The following NTRK3 variants were observed in gnomAD, a reference collection of about 807,000 sequenced individuals.
NTRK3 encodes the protein neurotrophic receptor tyrosine kinase 3.
NTRK3 carries 24 observed loss-of-function variants against 91.7 expected under a neutral mutation model. The ratio of observed to expected loss-of-function variants is 0.26; its 90% CI spans 0.19 to 0.37. The LOEUF is 0.37. Ranked by LOEUF, NTRK3 falls within the 10% of genes least tolerant of loss-of-function variation. The pLI is 1.00. For synonymous variants in NTRK3, 483 were observed against 404.0 expected, an observed-to-expected ratio of 1.20 and a Z score of -2.34; for missense variants, 880 against 1,068.9, an observed-to-expected ratio of 0.82 and a Z score of 2.46.
chr15:88,236,797 C>T (rs1259032541), intron 3 of NTRK3, among the ~76,000 whole-genome samples: 2 of 149,518 alleles, frequency 1.3e-5, no homozygotes, highest in Non-Finnish European at 3.0e-5. Context: ...AAACACTACT[C>T]TCAAAAGTAG....
chr15:87,973,017 A>G (rs2073386634), intron 14 of NTRK3, among the ~76,000 whole-genome samples: 1 of 152,158 alleles, frequency 6.6e-6, no homozygotes, highest in African/African-American at 2.4e-5. Context: ...TGCCTCTGAT[A>G]TCTTCCTTGT....
At chr15:88,113,874 C>T (rs2051732695) in intron 13 of NTRK3, among the ~76,000 whole-genome samples, 1 of 152,212 alleles carries the variant, frequency 6.6e-6, no homozygotes, top group African/African-American at 2.4e-5. Flanking sequence ...TCCTGATCTA[C>T]ACAATAGTTT....
chr15:88,033,332 A>T (rs1249925597), intron 13 of NTRK3, among the ~76,000 whole-genome samples: 1 of 150,296 alleles, frequency 6.7e-6, no homozygotes, highest in Non-Finnish European at 1.5e-5. Flanking sequence ...TTTAAATGAA[A>T]TAGAGTCTCT....
chr15:87,945,045 C>G (rs1258586923), intron 14 of NTRK3, among the ~76,000 whole-genome samples: 7 of 152,300 alleles, frequency 4.6e-5, no homozygotes, highest in Middle Eastern at 3.4e-3. Flanking sequence ...CCAGCAGAGT[C>G]TGGGTCACAA....
At chr15:88,256,205 GT>G (rs1410929522) in intron 2 of NTRK3, 37 bp from the exon 3 acceptor site, 153 of 828,224 alleles carry the variant, frequency 1.8e-4, no homozygotes, top group Non-Finnish European at 1.5e-4. Context: ...GGGGGGTGGG[GT>G]GGGGGGAGTG....
At chr15:88,006,197 A>C (rs1414652878) in intron 14 of NTRK3, among the ~76,000 whole-genome samples, 3 of 152,190 alleles carry the variant, frequency 2.0e-5, no homozygotes, top group Non-Finnish European at 4.4e-5. Context: ...ATCCCCAAAA[A>C]AATTTTTCCC....
intron 13 of NTRK3, among the ~76,000 whole-genome samples, chr15:88,058,135 G>T (rs1193539407): frequency 2.0e-5 from 3 of 152,202 alleles, no homozygotes; most frequent in Admixed American, 2.0e-4. Context: ...ACAGCTTGGG[G>T]CCTTGGACTT....
chr15:87,914,422 C>A (rs1477833039), intron 17 of NTRK3, among the ~76,000 whole-genome samples: 1 of 152,122 alleles, frequency 6.6e-6, no homozygotes, highest in Non-Finnish European at 1.5e-5. Context: ...ACTCAGAGTC[C>A]CCACATACTG....
intron 13 of NTRK3, among the ~76,000 whole-genome samples, chr15:88,055,968 G>A (rs959051602): frequency 1.3e-5 from 2 of 151,970 alleles, no homozygotes; most frequent in African/African-American, 4.8e-5. Flanking sequence ...CGAAGCCACT[G>A]GCAAAGAAAA....
intron 13 of NTRK3, among the ~76,000 whole-genome samples, chr15:88,081,728 A>G (rs1381469389): frequency 1.3e-5 from 2 of 152,206 alleles, no homozygotes; most frequent in East Asian, 3.9e-4. Flanking sequence ...ATGGGGCTGA[A>G]GTACCTGAGA....
chr15:88,134,890 CTTGGTTACCATGACTGCTATT>C (rs1307591421), intron 10 of NTRK3, among the ~76,000 whole-genome samples, 190 bp downstream of exon 10: 1 of 152,210 alleles, frequency 6.6e-6, no homozygotes, highest in Non-Finnish European at 1.5e-5. Flanking sequence ...TCTAAGAAGT[CTTGGTTACCATGACTGCTATT>C]GGAAAATGGA....
intron 17 of NTRK3, among the ~76,000 whole-genome samples, chr15:87,921,994 G>T (rs1440119046): frequency 6.6e-6 from 1 of 152,040 alleles, no homozygotes; most frequent in African/African-American, 2.4e-5. Context: ...AGCCTCAGTG[G>T]GCTCAAACAC....
intron 13 of NTRK3, among the ~76,000 whole-genome samples, chr15:88,064,625 C>T (rs2046491863): frequency 6.6e-6 from 1 of 152,186 alleles, no homozygotes; most frequent in Admixed American, 6.5e-5. Flanking sequence ...TTTCTATGCC[C>T]ATAGCTACCA....
Position 88,096,474 on chromosome 15 carries a change from T to C in NTRK3, c.1396+29797A>G, listed in dbSNP as rs181647599. Among the ~76,000 whole-genome samples, 383 of 152,282 alleles carry C rather than the reference T, an allele frequency of 2.5e-3. 2 individuals carry two copies. Among genetic ancestry groups the C allele is most frequent in the Non-Finnish European group, 4.1e-3 (278 of 68,024 alleles). ...GCAGGTGCTGCTGAGGCCCCACTCA[T>C]ATCCCTGGCCCACCTGAGTCTCCTG... On this transcript the variant is annotated intron_variant, in intron 13 of 18. Transcript: ENST00000394480.
chr15:87,886,089 AT>A (rs1465837159), intron 17 of NTRK3, among the ~76,000 whole-genome samples: 1 of 152,074 alleles, frequency 6.6e-6, no homozygotes, highest in African/African-American at 2.4e-5. Flanking sequence ...CCACAAACAT[AT>A]GAAAAGATGC....
intron 17 of NTRK3, among the ~76,000 whole-genome samples, chr15:87,912,473 G>C (rs138370711): frequency 1.3e-5 from 2 of 152,088 alleles, no homozygotes; most frequent in Admixed American, 6.5e-5. Context: ...TAATTTACTT[G>C]TCTGTAAATA....
At chr15:88,147,263 T>G in intron 6 of NTRK3, 72 bp downstream of exon 6, 1 of 1,427,870 alleles carries the variant, frequency 7.0e-7, no homozygotes, top group Non-Finnish European at 9.9e-7. Context: ...GTGGTTCCAC[T>G]GCTTGACACT....
At chr15:88,226,873 T>C (rs2050722304) in intron 3 of NTRK3, among the ~76,000 whole-genome samples, 1 of 152,232 alleles carries the variant, frequency 6.6e-6, no homozygotes, top group South Asian at 2.1e-4. Context: ...GATAGCCCCA[T>C]TTTACAGAGC....
chr15:88,095,037 C>T (rs1423538166), intron 13 of NTRK3, among the ~76,000 whole-genome samples: 1 of 152,180 alleles, frequency 6.6e-6, no homozygotes, highest in Non-Finnish European at 1.5e-5. Flanking sequence ...GTGGCTATGG[C>T]CAAATTGATG....
Sources: allele counts gnomAD v4.1 joint callset (sites outside exome capture counted in the v4.1 genomes callset), GRCh38; gene constraint gnomAD v4.1.1; transcripts MANE v1.5; gene names NCBI Gene and HGNC (gene_info 2026-07-23, HGNC 2026-07-21).